NYAP2: variants seen among roughly 807,000 people sequenced by gnomAD.
The protein encoded by NYAP2 is neuronal tyrosine-phosphorylated phosphoinositide-3-kinase adapter 2.
A neutral mutation model predicts 50.4 loss-of-function variants in NYAP2; 23 were observed. The observed-to-expected ratio is 0.46, with a 90% CI of 0.33 to 0.65. The LOEUF (loss-of-function observed/expected upper bound fraction) is 0.65. Among genes scored for constraint, NYAP2 ranks in the 30% least tolerant of loss-of-function variants. The pLI, the probability that NYAP2 is intolerant of heterozygous loss-of-function variation, is 0.02. For synonymous variants in NYAP2, 394 were observed against 365.2 expected, an observed-to-expected ratio of 1.08 and a Z score of -0.90; for missense variants, 885 against 861.0, an observed-to-expected ratio of 1.03 and a Z score of -0.35.
At chr2:225,667,929 C>T in the NYAP2 span, among the ~76,000 whole-genome samples, 1 of 151,992 alleles carries the variant, frequency 6.6e-6, no homozygotes, top group Non-Finnish European at 1.5e-5. Context: ...ATCCTAAGAC[C>T]GAGTGTATTC....
Position 225,628,638 on chromosome 2 carries a change from T to C in NYAP2, c.1828+1512T>C, listed in dbSNP as rs200028864. The stretch of plus-strand genomic sequence containing the variant: ...GTGCCTGGCTCACAAATAGTGTTTT[T>C]ATGGGGAAAAAAGTCACTTCCCCAA... On this transcript the variant is annotated intron_variant, in intron 6 of 6. Transcript: ENST00000636099. Among the ~76,000 whole-genome samples the C allele has an allele frequency of 4.6e-5, 7 of 152,126 alleles. No homozygotes were observed. In the East Asian group the frequency reaches 1.4e-3, roughly 29 times the overall value.
At chr2:225,633,594 T>C (rs1001098482) in intron 6 of NYAP2, among the ~76,000 whole-genome samples, 1 of 152,196 alleles carries the variant, frequency 6.6e-6, no homozygotes, top group African/African-American at 2.4e-5. Flanking sequence ...CCACATTTGT[T>C]AGAAGCATTG....
At chr2:225,525,555 T>G (rs1691136042) in intron 4 of NYAP2, among the ~76,000 whole-genome samples, 1 of 152,090 alleles carries the variant, frequency 6.6e-6, no homozygotes, top group Non-Finnish European at 1.5e-5. Context: ...CACTTATAAG[T>G]GGGAGCCAAA....
chr2:225,655,777 T>C (rs1376668279), downstream of NYAP2, among the ~76,000 whole-genome samples: 1 of 152,020 alleles, frequency 6.6e-6, no homozygotes, highest in African/African-American at 2.4e-5. Context: ...ATGGAGCGGC[T>C]AAGATGTGTC....
At chr2:225,514,948 GC>G (rs1690901372) in intron 4 of NYAP2, among the ~76,000 whole-genome samples, 1 of 152,148 alleles carries the variant, frequency 6.6e-6, no homozygotes, top group African/African-American at 2.4e-5. Context: ...CCTCATGAAA[GC>G]CCCTTGGCCT....
At chr2:225,458,496 A>G (rs560921445) in intron 3 of NYAP2, among the ~76,000 whole-genome samples, 1 of 152,328 alleles carries the variant, frequency 6.6e-6, no homozygotes, top group South Asian at 2.1e-4. Context: ...TTTTATTTTA[A>G]TAGACTATAG....
At chr2:225,627,212 C>A in intron 6 of NYAP2, 86 bp downstream of exon 6, 1 of 998,372 alleles carries the variant, frequency 1.0e-6, no homozygotes, top group Non-Finnish European at 1.5e-6. Context: ...GAATTATCAC[C>A]ACAGATATCT....
At chr2:225,535,069 G>T (rs1357708575) in intron 4 of NYAP2, among the ~76,000 whole-genome samples, 1 of 152,204 alleles carries the variant, frequency 6.6e-6, no homozygotes, top group Admixed American at 6.5e-5. Flanking sequence ...AATGGCCTGA[G>T]ATCAGCAGGC....
the NYAP2 span, among the ~76,000 whole-genome samples, chr2:225,691,033 G>A: frequency 1.2e-3 from 178 of 152,134 alleles, 1 homozygote; most frequent in African/African-American, 3.8e-3. Flanking sequence ...GCAGGTAAGT[G>A]GAAATTTAAC....
At chr2:225,437,057 G>C (rs1689390746) in intron 3 of NYAP2, among the ~76,000 whole-genome samples, 1 of 145,606 alleles carries the variant, frequency 6.9e-6, no homozygotes, top group Non-Finnish European at 1.5e-5. Context: ...CTATGAAGTG[G>C]AAAATACAGT....
chr2:225,430,847 T>C (rs1386360659), intron 3 of NYAP2, among the ~76,000 whole-genome samples: 1 of 152,216 alleles, frequency 6.6e-6, no homozygotes, highest in Non-Finnish European at 1.5e-5. Flanking sequence ...ATTGGCTAGA[T>C]TTAGTCATTC....
chr2:225,663,029 T>A, the NYAP2 span, among the ~76,000 whole-genome samples: 1 of 152,190 alleles, frequency 6.6e-6, no homozygotes, highest in Admixed American at 6.5e-5. Context: ...GTGTTAAATG[T>A]GTTCATTTTC....
intron 5 of NYAP2, among the ~76,000 whole-genome samples, chr2:225,610,209 C>G (rs1191664313): frequency 6.6e-6 from 1 of 152,106 alleles, no homozygotes; most frequent in South Asian, 2.1e-4. Flanking sequence ...TAAACAGATA[C>G]TTATTTTCTC....
chr2:225,630,285 G>A (rs1193389518), intron 6 of NYAP2, among the ~76,000 whole-genome samples: 1 of 152,154 alleles, frequency 6.6e-6, no homozygotes, highest in Non-Finnish European at 1.5e-5. Context: ...GCCCTTGTTT[G>A]CACCCTTAGC....
At chr2:225,430,339 C>G (rs745335904) in intron 3 of NYAP2, among the ~76,000 whole-genome samples, 1 of 152,134 alleles carries the variant, frequency 6.6e-6, no homozygotes, top group African/African-American at 2.4e-5. Context: ...GTCTACAGCA[C>G]AAATTATTGG....
At chr2:225,641,315 G>A (rs1303585136) in intron 6 of NYAP2, among the ~76,000 whole-genome samples, 10 of 151,904 alleles carry the variant, frequency 6.6e-5, no homozygotes, top group Admixed American at 6.6e-4. Flanking sequence ...AATTATGCTA[G>A]GCATTTACAA....
the NYAP2 span, among the ~76,000 whole-genome samples, chr2:225,687,471 A>T: frequency 6.6e-6 from 1 of 152,150 alleles, no homozygotes; most frequent in Non-Finnish European, 1.5e-5. Flanking sequence ...ATTCCTTTAG[A>T]TCAATCAAAA....
At chr2:225,612,855 C>CACACCCAATT (rs1277985514) in intron 5 of NYAP2, among the ~76,000 whole-genome samples, 2 of 149,958 alleles carry the variant, frequency 1.3e-5, no homozygotes, top group Non-Finnish European at 3.0e-5. Flanking sequence ...GACATCACAT[C>CACACCCAATT]TGGGTCTAGA....
At chr2:225,672,597 G>A in the NYAP2 span, among the ~76,000 whole-genome samples, 1 of 152,098 alleles carries the variant, frequency 6.6e-6, no homozygotes, top group Non-Finnish European at 1.5e-5. Context: ...CACAACTTGG[G>A]TAACTATTGG....
Sources: gnomAD v4.1 joint callset for allele counts (sites outside exome capture counted in the v4.1 genomes callset) on GRCh38, gnomAD v4.1.1 for gene constraint, MANE v1.5 for transcripts, NCBI Gene and HGNC (gene_info 2026-07-23, HGNC 2026-07-21) for gene names.